Variants in LARS2 observed in about 807,000 individuals in gnomAD.
LARS2 encodes leucyl-tRNA synthetase 2, mitochondrial.
In LARS2, 81 loss-of-function variants were observed where a neutral mutation model predicts 116.6. That is an observed-to-expected ratio of 0.69 (90% confidence interval 0.58 to 0.84). The LOEUF (loss-of-function observed/expected upper bound fraction) is 0.84. Among genes scored for constraint, LARS2 ranks in the 40% least tolerant of loss-of-function variants. The pLI is 0.00. For missense variants in LARS2, 968 were observed against 1,114.5 expected, an observed-to-expected ratio of 0.87 and a Z score of 1.87; for synonymous variants, 396 against 407.2, an observed-to-expected ratio of 0.97 and a Z score of 0.33.
chr3:45,456,992 T>C (rs1006428879), intron 7 of LARS2, among the ~76,000 whole-genome samples: 4 of 152,142 alleles, frequency 2.6e-5, no homozygotes, highest in Admixed American at 2.6e-4. Context: ...TGAAGACAAT[T>C]TGATGAAGGA....
intron 20 of LARS2, among the ~76,000 whole-genome samples, chr3:45,524,818 C>T (rs1458608607): frequency 6.6e-6 from 1 of 152,170 alleles, no homozygotes; most frequent in African/African-American, 2.4e-5. Flanking sequence ...ATTAAATTTA[C>T]TGATGTGGTG....
chr3:45,498,320 G>C (rs934206570), intron 14 of LARS2, among the ~76,000 whole-genome samples: 4 of 152,206 alleles, frequency 2.6e-5, no homozygotes, highest in Non-Finnish European at 5.9e-5. Context: ...GGTTTCCTGA[G>C]TGGATCATAA....
Position 45,396,988 on chromosome 3 carries a change from C to A in LARS2, c.234+2301C>A, listed in dbSNP as rs559306615. Among the ~76,000 whole-genome samples, 14 of 152,330 alleles carry A rather than the reference C, an allele frequency of 9.2e-5. No homozygotes were observed. In the South Asian group the frequency reaches 2.7e-3, roughly 29 times the overall value. ...GGACCAGAACTGGGGCTCCGGATTC[C>A]TATTGAGGTGCTCCTTTTACTCTGT... is the stretch of plus-strand genomic sequence containing the variant. On this transcript the variant is annotated intron_variant, in intron 3 of 21. Coordinates refer to ENST00000645846, the MANE Select transcript of LARS2 (RefSeq NM_015340.4).
chr3:45,465,014 G>A (rs1422196904), intron 8 of LARS2, among the ~76,000 whole-genome samples: 3 of 152,054 alleles, frequency 2.0e-5, no homozygotes, highest in African/African-American at 7.2e-5. Context: ...TAGATACTGT[G>A]GGGTAGGAGG....
chr3:45,415,710 TG>T (rs2125684921), intron 4 of LARS2, among the ~76,000 whole-genome samples: 1 of 151,642 alleles, frequency 6.6e-6, no homozygotes, highest in African/African-American at 2.4e-5. Flanking sequence ...TAGCCGGGTG[TG>T]GGGGTATGTG....
Position 45,469,596 on chromosome 3 carries a change from G to A in LARS2, c.751-4647G>A, listed in dbSNP as rs993320497. On this transcript the variant is annotated intron_variant, in intron 8 of 21. Transcript: ENST00000645846. ...CCTGACCTCGTGATCCGCCCGCCTC[G>A]GCCTCCCAAAGTGCTGGGATTACAG... 5.3e-5 allele frequency among the ~76,000 whole-genome samples: 8 copies of A among 151,832 alleles called. No individual in the cohort carries two copies. The South Asian group carries it at 8.3e-4, about 16-fold the overall frequency.
In LARS2 at chr3:45,518,165, G is replaced by A. The variant is rs1275505436; in HGVS notation, c.2214+93G>A. ...GTCTTTGCTGCCCTCCCTGCCTTGG[G>A]TTGGGCCACTGTGGGTCTTCCTTCC... On this transcript the variant is annotated intron_variant, in intron 18 of 21. Transcript: ENST00000645846. The A allele has an allele frequency of 1.7e-5, 16 of 958,618 alleles. No individual in the cohort carries two copies. In the East Asian group the frequency reaches 3.3e-4, roughly 20 times the overall value. The allele number at this position is 958,618 out of a possible 1,614,324, so 59.4% of individuals were successfully genotyped here.
At chr3:45,426,277 G>T (rs751218712) in intron 6 of LARS2, among the ~76,000 whole-genome samples, 2 of 152,052 alleles carry the variant, frequency 1.3e-5, no homozygotes, top group African/African-American at 2.4e-5. Flanking sequence ...AGAACTTAAG[G>T]GCAAGAGAAT....
At chr3:45,390,061 AAC>A (rs548529803) in intron 1 of LARS2, among the ~76,000 whole-genome samples, 104 of 152,292 alleles carry the variant, frequency 6.8e-4, no homozygotes, top group Non-Finnish European at 6.3e-4. Context: ...AAAAGGTCCT[AAC>A]ACAGGTTATC....
intron 20 of LARS2, among the ~76,000 whole-genome samples, chr3:45,525,772 G>A (rs756463417): frequency 4.9e-4 from 74 of 152,216 alleles, no homozygotes; most frequent in Non-Finnish European, 8.7e-4. Flanking sequence ...GTTGGAAGAA[G>A]TCAGAGAGGC....
intron 8 of LARS2, among the ~76,000 whole-genome samples, chr3:45,469,815 C>A (rs1237404952): frequency 6.6e-6 from 1 of 151,514 alleles, no homozygotes; most frequent in East Asian, 1.9e-4. Context: ...ATATATTGTG[C>A]CTCCCCCCCC....
chr3:45,518,732 T>TAA (rs997726220), intron 18 of LARS2, among the ~76,000 whole-genome samples: 1 of 146,800 alleles, frequency 6.8e-6, no homozygotes, highest in African/African-American at 2.5e-5. Context: ...TAAGCTGATT[T>TAA]AAAAAAAAAA....
intron 7 of LARS2, among the ~76,000 whole-genome samples, chr3:45,448,570 C>T (rs949806537): frequency 2.0e-5 from 3 of 152,112 alleles, no homozygotes; most frequent in Non-Finnish European, 4.4e-5. Context: ...CTGAGAGCCC[C>T]GAACAGAGAT....
chr3:45,451,343 C>T (rs890138282), intron 7 of LARS2, among the ~76,000 whole-genome samples: 1 of 151,736 alleles, frequency 6.6e-6, no homozygotes, highest in Admixed American at 6.6e-5. Context: ...TTCGGTCTTA[C>T]ATTTAAGTCT....
intron 4 of LARS2, among the ~76,000 whole-genome samples, chr3:45,405,774 C>T (rs1190381323): frequency 6.6e-6 from 1 of 152,184 alleles, no homozygotes; most frequent in Non-Finnish European, 1.5e-5. Flanking sequence ...CTTGCTTTTG[C>T]TACATGCCTA....
intron 3 of LARS2, among the ~76,000 whole-genome samples, chr3:45,398,403 A>T (rs751671424): frequency 3.3e-5 from 5 of 152,234 alleles, no homozygotes; most frequent in Non-Finnish European, 7.3e-5. Context: ...CCACATATGT[A>T]CATAAAAGAA....
intron 15 of LARS2, among the ~76,000 whole-genome samples, chr3:45,507,903 G>T (rs984658918): frequency 6.6e-6 from 1 of 152,020 alleles, no homozygotes; most frequent in African/African-American, 2.4e-5. Context: ...AAAATATGCT[G>T]AGCCTCCTGC....
intron 15 of LARS2, among the ~76,000 whole-genome samples, chr3:45,509,192 A>C (rs763616906): frequency 6.6e-6 from 1 of 152,078 alleles, no homozygotes. Context: ...CTGAGTCAGA[A>C]CGGTTTGTTA....
At chr3:45,506,936 G>A (rs1700208897) in intron 15 of LARS2, 1 of 152,154 alleles carries the variant, frequency 6.6e-6, no homozygotes, top group South Asian at 2.1e-4. Flanking sequence ...TGGCCTCCAA[G>A]TTAAGTGTGC....
Sources: allele counts gnomAD v4.1 joint callset (sites outside exome capture counted in the v4.1 genomes callset), GRCh38; gene constraint gnomAD v4.1.1; transcripts MANE v1.5; gene names NCBI Gene and HGNC (gene_info 2026-07-23, HGNC 2026-07-21).